The following ANKRD44 variants were observed in gnomAD, a reference collection of about 807,000 sequenced individuals.
ANKRD44 encodes the protein ankyrin repeat domain 44.
ANKRD44 carries 35 observed loss-of-function variants against 116.0 expected under a neutral mutation model. That is an observed-to-expected ratio of 0.30 (90% CI 0.23 to 0.40). The LOEUF is 0.40. Among genes scored for constraint, ANKRD44 ranks in the 10% least tolerant of loss-of-function variants. The pLI is 1.00. For synonymous variants in ANKRD44, 435 were observed against 461.8 expected, an observed-to-expected ratio of 0.94 and a Z score of 0.74; for missense variants, 1,014 against 1,242.6, an observed-to-expected ratio of 0.82 and a Z score of 2.77.
At chr2:197,199,761 C>G (rs1192968596) in intron 1 of ANKRD44, among the ~76,000 whole-genome samples, 1 of 152,134 alleles carries the variant, frequency 6.6e-6, no homozygotes, top group Non-Finnish European at 1.5e-5. Flanking sequence ...CCCTCTCTTA[C>G]AATTTGCAAA....
chr2:197,060,833 ATGT>A (rs2077296767), intron 16 of ANKRD44, among the ~76,000 whole-genome samples: 1 of 152,068 alleles, frequency 6.6e-6, no homozygotes, highest in African/African-American at 2.4e-5. Flanking sequence ...CAGGTCGTAC[ATGT>A]TGTTATAAAT....
intron 1 of ANKRD44, among the ~76,000 whole-genome samples, chr2:197,289,340 C>T (rs965370892): frequency 6.6e-6 from 1 of 152,072 alleles, no homozygotes; most frequent in African/African-American, 2.4e-5. Context: ...ATGGTACGAC[C>T]ACTTTGAAAA....
intron 1 of ANKRD44, among the ~76,000 whole-genome samples, chr2:197,253,867 GC>G (rs1406032275): frequency 6.6e-6 from 1 of 152,142 alleles, no homozygotes; most frequent in East Asian, 1.9e-4. Flanking sequence ...CTATTTACAA[GC>G]CCACTGATGC....
At chr2:197,254,884 T>C (rs1389206068) in intron 1 of ANKRD44, among the ~76,000 whole-genome samples, 1 of 152,148 alleles carries the variant, frequency 6.6e-6, no homozygotes, top group Non-Finnish European at 1.5e-5. Flanking sequence ...CCCAGAGGGG[T>C]GCACACCTAT....
chr2:197,216,031 G>T (rs957910174), intron 1 of ANKRD44, among the ~76,000 whole-genome samples: 1 of 152,172 alleles, frequency 6.6e-6, no homozygotes, highest in African/African-American at 2.4e-5. Flanking sequence ...CAAACCAATC[G>T]GGGTTCAAGG....
chr2:196,998,792 C>T (rs1316634423), intron 24 of ANKRD44, 115 bp downstream of exon 24: 2 of 1,413,046 alleles, frequency 1.4e-6, no homozygotes, highest in Non-Finnish European at 1.9e-6. Context: ...TTAAGTAAAA[C>T]TGCTAATGGC....
At chr2:197,268,595 T>C (rs1001312427) in intron 1 of ANKRD44, among the ~76,000 whole-genome samples, 2 of 152,210 alleles carry the variant, frequency 1.3e-5, no homozygotes, top group Non-Finnish European at 2.9e-5. Context: ...ATGACAGAGA[T>C]GCGATTCACT....
rs1574222867 is a variant in ANKRD44 at position 196,988,745 on chromosome 2, T to C, written c.*846A>G. 1.0e-6 allele frequency: 1 copy of C among 985,346 alleles called. No homozygotes were observed. The highest frequency in any genetic ancestry group is 1.2e-6 in the Non-Finnish European group (1 of 829,940). 61.0% of individuals were successfully genotyped at this position (985,346 alleles called of 1,614,324 possible). A position where few individuals can be genotyped will look rare whatever the true frequency, so the allele number is the denominator to read the frequency against. On this transcript the variant is annotated 3_prime_UTR_variant, in exon 28 of 28. Coordinates refer to ENST00000282272, the MANE Select transcript of ANKRD44 (RefSeq NM_001195144.2). The stretch of plus-strand genomic sequence containing the variant: ...TAATTCGACACATTTCTTTTCTGTC[T>C]CTTCCTCAAGTAGAAAATAGCACTT...
At chr2:196,994,499 T>TTCACAG in intron 26 of ANKRD44, 1 of 151,170 alleles carries the variant, frequency 6.6e-6, no homozygotes, top group African/African-American at 2.4e-5. Context: ...AGTCTTCTTC[T>TTCACAG]TCTTCTTCTT....
intron 9 of ANKRD44, among the ~76,000 whole-genome samples, chr2:197,105,389 A>C (rs2078402404): frequency 6.6e-6 from 1 of 152,256 alleles, no homozygotes; most frequent in Admixed American, 6.5e-5. Flanking sequence ...CTGGGATTAC[A>C]AGCGTGAGCC....
At chr2:197,086,775 A>G in intron 12 of ANKRD44, 27 bp from the exon 13 acceptor site, 1 of 1,605,268 alleles carries the variant, frequency 6.2e-7, no homozygotes, top group Non-Finnish European at 8.5e-7. Context: ...AACATCATTA[A>G]GATGGAAGAG....
At chr2:197,278,807 G>A (rs912155744) in intron 1 of ANKRD44, among the ~76,000 whole-genome samples, 5 of 152,214 alleles carry the variant, frequency 3.3e-5, no homozygotes, top group Non-Finnish European at 5.9e-5. Context: ...CAGCAAGCAA[G>A]TGCCTCAAAT....
chr2:197,031,811 TTAAA>T (rs2076713514), intron 16 of ANKRD44, among the ~76,000 whole-genome samples: 1 of 152,186 alleles, frequency 6.6e-6, no homozygotes, highest in Non-Finnish European at 1.5e-5. Context: ...AATCTGGAAC[TTAAA>T]TAATCTAGTA....
At chr2:197,186,682 A>G (rs1342683837) in intron 2 of ANKRD44, among the ~76,000 whole-genome samples, 1 of 128,686 alleles carries the variant, frequency 7.8e-6, no homozygotes, top group Non-Finnish European at 1.6e-5. Flanking sequence ...CCAGGTCTCA[A>G]ACTCCTGGGC....
At chr2:197,179,953 TG>T (rs1329221408) in intron 2 of ANKRD44, among the ~76,000 whole-genome samples, 8 of 152,076 alleles carry the variant, frequency 5.3e-5, no homozygotes, top group Non-Finnish European at 1.2e-4. Flanking sequence ...TGAGAGTGGA[TG>T]GGGAGTGTGA....
In ANKRD44 at chr2:197,013,498, T is replaced by C. The variant is rs758699772; in HGVS notation, c.1924+13A>G. On this transcript the variant is annotated intron_variant, in intron 18 of 27. Transcript: ENST00000282272. Reference sequence around the variant, plus strand: ...CACAAAACTAGGGTAATCAGGCCCTTGACAAGACCTACCTGAGGCATGAAG... The same window carrying C: ...CACAAAACTAGGGTAATCAGGCCCTCGACAAGACCTACCTGAGGCATGAAG... The C allele has an allele frequency of 3.1e-6, 5 of 1,613,660 alleles. No individual in the cohort carries two copies. Among genetic ancestry groups the C allele is most frequent in the African/African-American group, 1.3e-5 (1 of 74,926 alleles).
chr2:197,128,771 GTTTTACA>G (rs1559086748), intron 4 of ANKRD44, among the ~76,000 whole-genome samples: 1 of 152,122 alleles, frequency 6.6e-6, no homozygotes, highest in Non-Finnish European at 1.5e-5. Context: ...ATAGTTTTGA[GTTTTACA>G]TTTAAGTCTT....
intron 21 of ANKRD44, among the ~76,000 whole-genome samples, chr2:196,968,073 A>G (rs2075687894): frequency 6.6e-6 from 1 of 152,186 alleles, no homozygotes; most frequent in Non-Finnish European, 1.5e-5. Flanking sequence ...CTGCAGAACC[A>G]TGAGCCAAAT....
chr2:197,268,341 G>C (rs1042329507), intron 1 of ANKRD44, among the ~76,000 whole-genome samples: 11 of 152,226 alleles, frequency 7.2e-5, no homozygotes, highest in Non-Finnish European at 1.5e-5. Context: ...AGGAGGCAAA[G>C]AGATGACAAG....
Sources: allele counts gnomAD v4.1 joint callset (sites outside exome capture counted in the v4.1 genomes callset), GRCh38; gene constraint gnomAD v4.1.1; transcripts MANE v1.5; gene names NCBI Gene and HGNC (gene_info 2026-07-23, HGNC 2026-07-21).